The following SETBP1 variants were observed in gnomAD, a reference collection of about 807,000 sequenced individuals.
SETBP1 encodes the protein SET binding protein 1.
SETBP1 carries 9 observed loss-of-function variants against 101.0 expected under a neutral mutation model. The ratio of observed to expected loss-of-function variants is 0.09; its 90% confidence interval spans 0.05 to 0.16. The LOEUF (loss-of-function observed/expected upper bound fraction) is 0.16. Ranked by LOEUF, SETBP1 falls within the 10% of genes least tolerant of loss-of-function variation. SETBP1 has a pLI of 1.00. For synonymous variants in SETBP1, 818 were observed against 788.5 expected, an observed-to-expected ratio of 1.04 and a Z score of -0.63; for missense variants, 1,858 against 2,033.8, an observed-to-expected ratio of 0.91 and a Z score of 1.66.
At chr18:44,744,839 C>T in intron 2 of SETBP1, among the ~76,000 whole-genome samples, 1 of 151,406 alleles carries the variant, frequency 6.6e-6, no homozygotes, top group Non-Finnish European at 1.5e-5. Context: ...GCGGTTTGAT[C>T]TCCCCTGAAT....
At chr18:44,685,325 T>C (rs1341231030) in intron 1 of SETBP1, among the ~76,000 whole-genome samples, 2 of 152,276 alleles carry the variant, frequency 1.3e-5, no homozygotes, top group Non-Finnish European at 2.9e-5. Flanking sequence ...CATGGCATTT[T>C]GTTCTTTTCA....
intron 2 of SETBP1, among the ~76,000 whole-genome samples, chr18:44,801,753 G>A (rs983530740): frequency 1.3e-5 from 2 of 151,532 alleles, no homozygotes; most frequent in South Asian, 4.2e-4. Context: ...GCGAAAGGGA[G>A]TAATTTAACA....
intron 3 of SETBP1, among the ~76,000 whole-genome samples, chr18:44,886,978 G>C (rs1306076525): frequency 6.6e-6 from 1 of 152,078 alleles, no homozygotes; most frequent in Non-Finnish European, 1.5e-5. Context: ...CTGAATGAAT[G>C]AGTGAAGGAA....
intron 3 of SETBP1, among the ~76,000 whole-genome samples, chr18:44,925,353 G>A (rs1285410774): frequency 3.3e-5 from 5 of 152,074 alleles, no homozygotes; most frequent in Admixed American, 3.3e-4. Context: ...CACCAGAGCT[G>A]GGACCCACTC....
At chr18:44,938,037 A>C (rs954154276) in intron 3 of SETBP1, among the ~76,000 whole-genome samples, 2 of 152,184 alleles carry the variant, frequency 1.3e-5, no homozygotes, top group East Asian at 3.9e-4. Context: ...CTGTGCTGAC[A>C]GGGAAAGGGA....
chr18:44,896,408 C>A (rs182955559), intron 3 of SETBP1, among the ~76,000 whole-genome samples: 12 of 152,302 alleles, frequency 7.9e-5, no homozygotes, highest in Admixed American at 3.3e-4. Flanking sequence ...TGGAATTATG[C>A]ATATTGTACA....
At chr18:44,720,817 A>G (rs1055897972) in intron 2 of SETBP1, among the ~76,000 whole-genome samples, 1 of 152,042 alleles carries the variant, frequency 6.6e-6, no homozygotes, top group Admixed American at 6.6e-5. Context: ...TGACCTGGAA[A>G]ATCTGGAGTG....
At chr18:44,792,006 T>G (rs759211800) in intron 2 of SETBP1, among the ~76,000 whole-genome samples, 6 of 152,164 alleles carry the variant, frequency 3.9e-5, no homozygotes, top group Non-Finnish European at 5.9e-5. Context: ...GCTGTGCAGT[T>G]TCGGGCTCAT....
intron 1 of SETBP1, among the ~76,000 whole-genome samples, chr18:44,698,492 A>G (rs1412804512): frequency 6.6e-6 from 1 of 152,026 alleles, no homozygotes; most frequent in Non-Finnish European, 1.5e-5. Flanking sequence ...CCAAACATCA[A>G]TTCCCTGTTT....
At chr18:44,962,876 C>T (rs1279394438) in intron 4 of SETBP1, among the ~76,000 whole-genome samples, 1 of 152,080 alleles carries the variant, frequency 6.6e-6, no homozygotes, top group Non-Finnish European at 1.5e-5. Context: ...TGGGGCTCAC[C>T]TTGTTGATGG....
At chr18:44,881,217 T>TA (rs2069523344) in intron 3 of SETBP1, among the ~76,000 whole-genome samples, 1 of 152,170 alleles carries the variant, frequency 6.6e-6, no homozygotes, top group Non-Finnish European at 1.5e-5. Flanking sequence ...AACAGGAATG[T>TA]TCAGGTACCT....
At chr18:45,047,460 G>T (rs2145535892) in intron 5 of SETBP1, among the ~76,000 whole-genome samples, 1 of 152,278 alleles carries the variant, frequency 6.6e-6, no homozygotes, top group East Asian at 1.9e-4. Context: ...TCCATTTCTA[G>T]AAGTCTAATT....
intron 1 of SETBP1, among the ~76,000 whole-genome samples, chr18:44,684,752 T>A (rs2068810000): frequency 6.6e-6 from 1 of 152,040 alleles, no homozygotes; most frequent in African/African-American, 2.4e-5. Context: ...GTTCAAGTGA[T>A]TCTCCTGCCT....
intron 2 of SETBP1, among the ~76,000 whole-genome samples, chr18:44,859,580 T>C (rs1305095554): frequency 1.3e-5 from 2 of 152,212 alleles, no homozygotes; most frequent in Non-Finnish European, 2.9e-5. Context: ...TGTTCAACTA[T>C]AAACTGGAGA....
At chr18:44,789,733 A>G (rs771506172) in intron 2 of SETBP1, among the ~76,000 whole-genome samples, 8 of 152,170 alleles carry the variant, frequency 5.3e-5, no homozygotes, top group Non-Finnish European at 1.2e-4. Flanking sequence ...AGTAGGATGG[A>G]TATTGTGCTT....
intron 3 of SETBP1, among the ~76,000 whole-genome samples, chr18:44,907,332 G>T (rs1376340023): frequency 6.6e-6 from 1 of 152,118 alleles, no homozygotes; most frequent in Non-Finnish European, 1.5e-5. Flanking sequence ...AGAAGTTTTT[G>T]CATGAACATA....
At chr18:44,870,537 T>C (rs2069248641) in intron 3 of SETBP1, 1 of 152,204 alleles carries the variant, frequency 6.6e-6, no homozygotes, top group African/African-American at 2.4e-5. Flanking sequence ...CCAGTAAGCC[T>C]TTTTTGTCAA....
At chr18:44,689,344 C>A (rs1441467996) in intron 1 of SETBP1, among the ~76,000 whole-genome samples, 2 of 152,204 alleles carry the variant, frequency 1.3e-5, no homozygotes, top group Non-Finnish European at 2.9e-5. Flanking sequence ...CAGACACCCC[C>A]ATAGCAGACA....
intron 5 of SETBP1, among the ~76,000 whole-genome samples, chr18:45,045,111 G>A (rs944476358): frequency 6.6e-5 from 10 of 150,768 alleles, no homozygotes; most frequent in Middle Eastern, 3.4e-3. Flanking sequence ...GTGAAACCCC[G>A]TCTTTACTAA....
Sources: gnomAD v4.1 joint callset for allele counts (sites outside exome capture counted in the v4.1 genomes callset) on GRCh38, gnomAD v4.1.1 for gene constraint, MANE v1.5 for transcripts, NCBI Gene and HGNC (gene_info 2026-07-23, HGNC 2026-07-21) for gene names.